PCDH15: variants seen among roughly 807,000 people sequenced by gnomAD.
The protein encoded by PCDH15 is protocadherin-15.
In PCDH15, 129 loss-of-function variants were observed where a neutral mutation model predicts 178.5. The observed-to-expected ratio is 0.72, with a 90% CI of 0.63 to 0.84. The LOEUF (loss-of-function observed/expected upper bound fraction) is 0.84, where lower values mean the gene tolerates loss of function less well. Ranked by LOEUF, PCDH15 falls within the 40% of genes least tolerant of loss-of-function variation. The probability of loss-of-function intolerance (pLI) is 0.00; values close to 1 mark genes in which losing one functional copy is unlikely to be tolerated. For synonymous variants in PCDH15, 800 were observed against 732.0 expected (o/e 1.09, Z -1.50); for missense variants, 2,230 against 2,099.9 (o/e 1.06, Z -1.21).
intron 2 of PCDH15, among the ~76,000 whole-genome samples, chr10:55,610,479 A>G (rs10509036): frequency 0.33 from 50,178 of 151,876 alleles, 8,740 homozygotes; most frequent in East Asian, 0.49. Flanking sequence ...CTCGGTTACA[A>G]AGAGTGTTAA....
At chr10:55,595,473 G>A (rs1225026487) in intron 2 of PCDH15, among the ~76,000 whole-genome samples, 1 of 152,026 alleles carries the variant, frequency 6.6e-6, no homozygotes, top group Non-Finnish European at 1.5e-5. Flanking sequence ...TTAAGCTCCT[G>A]ATACAAAGCC....
At chr10:55,512,519 G>T (rs2132153349) in intron 2 of PCDH15, among the ~76,000 whole-genome samples, 1 of 152,036 alleles carries the variant, frequency 6.6e-6, no homozygotes, top group Non-Finnish European at 1.5e-5. Flanking sequence ...CTTTGCCTAG[G>T]TCAATGACTA....
At chr10:53,888,184 C>G (rs1261376611) in intron 26 of PCDH15, among the ~76,000 whole-genome samples, 5 of 149,932 alleles carry the variant, frequency 3.3e-5, no homozygotes, top group African/African-American at 1.2e-4. Flanking sequence ...TGTTTAAACA[C>G]AGACCAAAAA....
chr10:55,601,877 G>C (rs1430075491), intron 2 of PCDH15, among the ~76,000 whole-genome samples: 1 of 152,042 alleles, frequency 6.6e-6, no homozygotes, highest in African/African-American at 2.4e-5. Flanking sequence ...ACACACACGG[G>C]GGGAGGAGCC....
chr10:54,914,697 A>C (rs925417411), intron 2 of PCDH15, among the ~76,000 whole-genome samples: 3 of 152,322 alleles, frequency 2.0e-5, no homozygotes, highest in African/African-American at 7.2e-5. Context: ...TCATAGGTTC[A>C]TGCTGAAAAC....
intron 2 of PCDH15, among the ~76,000 whole-genome samples, chr10:54,544,102 A>G (rs965298882): frequency 7.2e-5 from 11 of 152,166 alleles, no homozygotes; most frequent in African/African-American, 2.2e-4. Context: ...CCTTGAGAGA[A>G]TAATATCCAA....
chr10:54,302,372 G>C (rs963973475), intron 8 of PCDH15, among the ~76,000 whole-genome samples: 2 of 152,198 alleles, frequency 1.3e-5, no homozygotes, highest in Non-Finnish European at 2.9e-5. Flanking sequence ...AGTTCCAGCT[G>C]TGTCTGAATG....
At chr10:53,965,573 A>C (rs1302687507) in intron 21 of PCDH15, among the ~76,000 whole-genome samples, 1 of 152,182 alleles carries the variant, frequency 6.6e-6, no homozygotes, top group African/African-American at 2.4e-5. Context: ...AATTGAGCAA[A>C]AGTGCTTGGC....
intron 1 of PCDH15, among the ~76,000 whole-genome samples, chr10:54,706,689 T>C (rs1005437776): frequency 6.6e-6 from 1 of 152,192 alleles, no homozygotes; most frequent in African/African-American, 2.4e-5. Context: ...AGTGGCGCGA[T>C]CTCGGCTCAT....
intron 35 of PCDH15, among the ~76,000 whole-genome samples, chr10:53,812,396 G>T (rs2075901649): frequency 6.7e-6 from 1 of 150,310 alleles, no homozygotes. Flanking sequence ...TTTTTTTTTG[G>T]TAGAGACGGG....
At chr10:54,379,821 T>C (rs1468039269) in intron 3 of PCDH15, among the ~76,000 whole-genome samples, 1 of 151,974 alleles carries the variant, frequency 6.6e-6, no homozygotes, top group Non-Finnish European at 1.5e-5. Flanking sequence ...CTTATAGATA[T>C]AGAAGAGATG....
At chr10:55,621,375 A>G (rs1173823162) in intron 2 of PCDH15, among the ~76,000 whole-genome samples, 2 of 152,094 alleles carry the variant, frequency 1.3e-5, no homozygotes, top group Non-Finnish European at 2.9e-5. Flanking sequence ...CACTGCCAAC[A>G]GAGCAATGGT....
chr10:55,297,197 A>C (rs1404740091), intron 1 of PCDH15, among the ~76,000 whole-genome samples: 1 of 152,068 alleles, frequency 6.6e-6, no homozygotes, highest in Non-Finnish European at 1.5e-5. Context: ...TAAAGAAAGA[A>C]AAAAGAAAGA....
chr10:54,541,119 C>T (rs2132966522), intron 2 of PCDH15, among the ~76,000 whole-genome samples: 1 of 152,234 alleles, frequency 6.6e-6, no homozygotes, highest in East Asian at 1.9e-4. Flanking sequence ...TACCATTCTC[C>T]ATTCTCACCA....
intron 2 of PCDH15, among the ~76,000 whole-genome samples, chr10:55,614,232 T>C (rs1245061208): frequency 2.6e-5 from 4 of 152,120 alleles, no homozygotes; most frequent in African/African-American, 9.7e-5. Flanking sequence ...TGTAGTAAAC[T>C]CAATCTCTGA....
At chr10:53,822,539 ATTTC>A in intron 32 of PCDH15, 1 of 1,613,750 alleles carries the variant, frequency 6.2e-7, no homozygotes, top group Non-Finnish European at 8.5e-7. Context: ...TTTCAAAAAT[ATTTC>A]TTTCGGTTTC....
Position 54,317,381 on chromosome 10 carries a change from G to A in PCDH15, c.766C>T (p.Leu256=). The change falls in exon 8 of 38, where the codon CTG becomes TTG. Residue 256 remains leucine, a synonymous_variant. Transcript: ENST00000644397. ...TTTTTLTVDV[L]DGDDLGPMFL... is the part of the protein sequence containing the mutation. ...ATTGGACCCAAGTCATCTCCATCCA[G>A]AACATCCACTGTGAGAGTGGTGGTG... 1 of 1,613,996 alleles carries A rather than the reference G, an allele frequency of 6.2e-7. No homozygotes were observed. The highest frequency in any genetic ancestry group is 8.5e-7 in the Non-Finnish European group (1 of 1,179,944).
At chr10:54,528,352 T>G (rs1270747725) in intron 2 of PCDH15, 3 of 1,538,700 alleles carry the variant, frequency 1.9e-6, no homozygotes, top group South Asian at 2.4e-5. Flanking sequence ...GCAATGCTCA[T>G]GAGGTTGTTT....
chr10:55,283,293 C>G lies in PCDH15; in HGVS notation c.-156+36306G>C, dbSNP rs1842780273. On this transcript the variant is annotated intron_variant, in intron 1 of 5. Coordinates refer to the PCDH15 transcript ENST00000458638. ...CAGCGCACGAGGACAGCTTCAACTC[C>G]CTATGATTTCATCTTGGACCCAATC... Among the ~76,000 whole-genome samples, 9 of 152,144 alleles carry G rather than the reference C, an allele frequency of 5.9e-5. No individual in the cohort carries two copies. In the South Asian group the frequency reaches 1.9e-3, roughly 32 times the overall value.
Sources: allele counts gnomAD v4.1 joint callset (sites outside exome capture counted in the v4.1 genomes callset), GRCh38; gene constraint gnomAD v4.1.1; transcripts MANE v1.5; gene names NCBI Gene and HGNC (gene_info 2026-07-23, HGNC 2026-07-21).